Variants in FAM222A observed in about 807,000 individuals in gnomAD.
FAM222A encodes family with sequence similarity 222 member A.
In FAM222A, 7 loss-of-function variants were observed where a neutral mutation model predicts 25.8. The observed-to-expected ratio is 0.27, with a 90% CI of 0.15 to 0.51. FAM222A has a LOEUF of 0.51. Ranked by LOEUF, FAM222A falls within the 20% of genes least tolerant of loss-of-function variation. FAM222A has a pLI of 0.97. For synonymous variants in FAM222A, 294 were observed against 298.8 expected (o/e 0.98, Z 0.17); for missense variants, 573 against 640.5 (o/e 0.89, Z 1.14).
chr12:109,734,255 G>A (rs989333517), intron 1 of FAM222A: 31 of 151,286 alleles, frequency 2.0e-4, no homozygotes, highest in African/African-American at 7.0e-4. Context: ...TGAGCTCTAC[G>A]CAGGAGAGAT....
chr12:109,752,289 G>A (rs1888583647), intron 2 of FAM222A, among the ~76,000 whole-genome samples: 1 of 152,228 alleles, frequency 6.6e-6, no homozygotes, highest in African/African-American at 2.4e-5. Flanking sequence ...TTCACTTATT[G>A]GAAAAGACAG....
chr12:109,760,897 CAGACTCACGCA>C (rs1888873364), intron 2 of FAM222A, among the ~76,000 whole-genome samples: 1 of 152,148 alleles, frequency 6.6e-6, no homozygotes, highest in South Asian at 2.1e-4. Context: ...CTCAGCAGCT[CAGACTCACGCA>C]AGCAGGAGCT....
At chr12:109,762,240 C>T (rs973617632) in intron 2 of FAM222A, among the ~76,000 whole-genome samples, 5 of 152,122 alleles carry the variant, frequency 3.3e-5, no homozygotes, top group African/African-American at 1.2e-4. Context: ...GAATAGGGGC[C>T]GGGCACAGTG....
intron 1 of FAM222A, among the ~76,000 whole-genome samples, chr12:109,732,741 T>TAC (rs1166102875): frequency 7.2e-5 from 11 of 152,160 alleles, no homozygotes; most frequent in East Asian, 3.9e-4. Flanking sequence ...CACACACGTG[T>TAC]ACACACACAC....
intron 1 of FAM222A, chr12:109,736,052 G>C (rs1264128246): frequency 6.6e-6 from 1 of 152,392 alleles, no homozygotes; most frequent in Non-Finnish European, 1.5e-5. Flanking sequence ...CACCTTCTCT[G>C]AGTCCCTGTC....
At position 109,770,301 on chromosome 12, in the gene FAM222A, C is replaced by A. The variant is rs959817029; in HGVS notation, c.*1013C>A. 4 of 152,692 alleles carry A rather than the reference C, an allele frequency of 2.6e-5. No homozygotes were observed. The highest frequency in any genetic ancestry group is 5.9e-5 in the Non-Finnish European group (4 of 68,090). The allele number at this position is 152,692 out of a possible 1,614,324, so 9.5% of individuals were successfully genotyped here. ...GGCAGGAGTCCCCTCACGAAGTCCT[C>A]AAGTCCTGGCCCCTCTGGCGCTCTG... On this transcript the variant is annotated 3_prime_UTR_variant, in exon 3 of 3. Transcript: ENST00000538780.
chr12:109,765,179 C>T (rs756296045), intron 2 of FAM222A, among the ~76,000 whole-genome samples: 10 of 152,236 alleles, frequency 6.6e-5, no homozygotes, highest in Admixed American at 2.6e-4. Context: ...TGCCCCACGT[C>T]GGGGCCTCTC....
At chr12:109,760,099 A>C (rs1888850237) in intron 2 of FAM222A, among the ~76,000 whole-genome samples, 1 of 152,168 alleles carries the variant, frequency 6.6e-6, no homozygotes, top group Non-Finnish European at 1.5e-5. Flanking sequence ...GCAAGCTCCT[A>C]CTGTGTACCA....
Position 109,769,379 on chromosome 12 carries a change from A to C in FAM222A, c.*91A>C. On this transcript the variant is annotated 3_prime_UTR_variant, in exon 3 of 3. Coordinates refer to ENST00000538780, the MANE Select transcript of FAM222A (RefSeq NM_032829.3). Reference sequence around the variant, plus strand: ...GGGTGGGCGGCTCGCAGGGGCGCTCAGCCCCACCCTGTGCCTGCTGATGCC... The same window carrying C: ...GGGTGGGCGGCTCGCAGGGGCGCTCCGCCCCACCCTGTGCCTGCTGATGCC... The C allele has an allele frequency of 7.1e-7, 1 of 1,413,638 alleles. No homozygotes were observed. Among genetic ancestry groups the C allele is most frequent in the Non-Finnish European group, 9.4e-7 (1 of 1,061,584 alleles). The allele number at this position is 1,413,638 out of a possible 1,614,324, so 87.6% of individuals were successfully genotyped here.
At position 109,768,631 on chromosome 12, in the gene FAM222A, C is replaced by G. The variant is rs771541336; in HGVS notation, c.702C>G (p.Gly234=). The G allele has an allele frequency of 1.9e-6, 3 of 1,602,016 alleles. No homozygotes were observed. The Admixed American group carries it at 5.0e-5, about 27-fold the overall frequency. ...CCCATCCCAGCCCTGCCAAGCACGG[C>G]CCAGTGCCCAGCTTCCCCAGCATGG... The part of the protein sequence containing the change: ...AIPHPSPAKH[G]PVPSFPSMAY... Residue 234 remains glycine, a synonymous_variant, in exon 3 of 3, where the codon GGC becomes GGG. Coordinates refer to ENST00000538780, the MANE Select transcript of FAM222A (RefSeq NM_032829.3).
chr12:109,735,251 C>A (rs1888054666), intron 1 of FAM222A, among the ~76,000 whole-genome samples: 1 of 152,244 alleles, frequency 6.6e-6, no homozygotes, highest in Admixed American at 6.5e-5. Flanking sequence ...CAAACCCTGT[C>A]TGGCCCAGGC....
intron 2 of FAM222A, among the ~76,000 whole-genome samples, chr12:109,759,642 C>T (rs947758017): frequency 9.9e-5 from 15 of 152,214 alleles, no homozygotes; most frequent in African/African-American, 2.9e-4. Context: ...TTAAATTTCC[C>T]GACAAGTCTT....
intron 2 of FAM222A, among the ~76,000 whole-genome samples, chr12:109,764,876 C>T (rs893086708): frequency 5.3e-5 from 8 of 152,318 alleles, no homozygotes; most frequent in South Asian, 4.1e-4. Flanking sequence ...AAGATTCCCC[C>T]GTTGGCCAAA....
chr12:109,730,502 G>A (rs1740853221), intron 1 of FAM222A, among the ~76,000 whole-genome samples: 2 of 152,040 alleles, frequency 1.3e-5, no homozygotes, highest in South Asian at 2.1e-4. Context: ...TTTGCGCTCC[G>A]TGCCAGGTGC....
chr12:109,723,702 G>A (rs553574617), intron 1 of FAM222A, among the ~76,000 whole-genome samples: 1 of 152,356 alleles, frequency 6.6e-6, no homozygotes, highest in South Asian at 2.1e-4. Context: ...TGGCAGGGCT[G>A]CTGTGATGCC....
Position 109,725,879 on chromosome 12 carries a change from G to A in FAM222A, c.-47+10982G>A, listed in dbSNP as rs534493708. ...ATACAATTGCTATAAACATAAAAGG[G>A]AAACTCCACAGTGTTCCCGGGCGCC... On this transcript the variant is annotated intron_variant, in intron 1 of 2. Coordinates refer to ENST00000538780, the MANE Select transcript of FAM222A (RefSeq NM_032829.3). Among the ~76,000 whole-genome samples the A allele has an allele frequency of 6.2e-4, 94 of 152,138 alleles. No individual in the cohort carries two copies. In the South Asian group the frequency reaches 0.019, roughly 31 times the overall value.
At chr12:109,758,801 G>C (rs564687792) in intron 2 of FAM222A, among the ~76,000 whole-genome samples, 2 of 152,252 alleles carry the variant, frequency 1.3e-5, no homozygotes, top group African/African-American at 4.8e-5. Flanking sequence ...TGGCGAGCTG[G>C]GGCCAGGCCC....
chr12:109,725,318 A>G (rs1566184537), intron 1 of FAM222A, among the ~76,000 whole-genome samples: 1 of 151,920 alleles, frequency 6.6e-6, no homozygotes, highest in African/African-American at 2.4e-5. Flanking sequence ...CTTCTCACAG[A>G]TGAGTAAACT....
At chr12:109,764,027 C>T (rs370241896) in intron 2 of FAM222A, among the ~76,000 whole-genome samples, 91 of 152,012 alleles carry the variant, frequency 6.0e-4, no homozygotes, top group African/African-American at 2.1e-3. Flanking sequence ...CCCACGAGTT[C>T]GAGACCAGCC....
Sources: allele counts gnomAD v4.1 joint callset (sites outside exome capture counted in the v4.1 genomes callset), GRCh38; gene constraint gnomAD v4.1.1; transcripts MANE v1.5; gene names NCBI Gene and HGNC (gene_info 2026-07-23, HGNC 2026-07-21).